The following KIF13B variants were observed in gnomAD, a reference collection of about 807,000 sequenced individuals.
KIF13B encodes kinesin family member 13B.
A neutral mutation model predicts 222.0 loss-of-function variants in KIF13B; 127 were observed. That is an observed-to-expected ratio of 0.57 (90% CI 0.50 to 0.66). The LOEUF (loss-of-function observed/expected upper bound fraction) is 0.66, where lower values mean the gene tolerates loss of function less well. KIF13B is among the 30% of genes least tolerant of loss of function. The pLI is 0.00. For synonymous variants in KIF13B, 976 were observed against 919.0 expected (o/e 1.06, Z -1.12); for missense variants, 2,173 against 2,379.0 (o/e 0.91, Z 1.80).
Position 29,245,480 on chromosome 8 carries a change from T to A in KIF13B, c.56-41A>T, listed in dbSNP as rs79327218. The A allele has an allele frequency of 7.8e-3, 11,279 of 1,439,418 alleles. 736 individuals are homozygous for A. The African/African-American group carries it at 0.14, about 18-fold the overall frequency. The allele number at this position is 1,439,418 out of a possible 1,614,324, so 89.2% of individuals were successfully genotyped here. A position where few individuals can be genotyped will look rare whatever the true frequency, so the allele number is the denominator to read the frequency against. ...CAAGAAAAACAGTCATTTTAAAAAG[T>A]AATTTATTTCAGAAAAGGCAAAATT... On this transcript the variant is annotated intron_variant, in intron 1 of 39. Coordinates refer to ENST00000524189, the MANE Select transcript of KIF13B (RefSeq NM_015254.4).
rs1563673729 is a variant in KIF13B at position 29,069,897 on chromosome 8, G to A, written c.*607C>T. ...AGGGATGGGGGGGCTCAGGCCCTCGGCCCCCGTCTGGGGCACCAGGACCAT... is the reference window on the plus strand; with the variant it reads ...AGGGATGGGGGGGCTCAGGCCCTCGACCCCCGTCTGGGGCACCAGGACCAT... On this transcript the variant is annotated 3_prime_UTR_variant, in exon 40 of 40. Transcript: ENST00000524189. The A allele has an allele frequency of 6.6e-6, 1 of 151,996 alleles. No homozygotes were observed. Among genetic ancestry groups the A allele is most frequent in the Non-Finnish European group, 1.5e-5 (1 of 68,094 alleles). The allele number at this position is 151,996 out of a possible 1,614,324, so 9.4% of individuals were successfully genotyped here. A position where few individuals can be genotyped will look rare whatever the true frequency, so the allele number is the denominator to read the frequency against.
intron 37 of KIF13B, among the ~76,000 whole-genome samples, chr8:29,087,184 GGGA>G (rs1384987938): frequency 2.0e-5 from 3 of 152,218 alleles, no homozygotes; most frequent in African/African-American, 7.2e-5. Context: ...GGTAGAAAGA[GGGA>G]GAAGTGTGGA....
intron 37 of KIF13B, among the ~76,000 whole-genome samples, chr8:29,081,562 C>A (rs765061068): frequency 4.2e-4 from 64 of 152,318 alleles, no homozygotes; most frequent in African/African-American, 9.6e-4. Context: ...AAAATACACA[C>A]CTGATTTCAA....
chr8:29,146,527 T>C lies in KIF13B; in HGVS notation c.2038A>G (p.Asn680Asp), dbSNP rs1811066918. The change falls in exon 18 of 40, where the codon AAT (asparagine) becomes GAT (aspartate). Residue 680 changes from asparagine to aspartate, a missense_variant. Physicochemically the swap from Asn to Asp is conservative, Grantham distance 23. This residue lies in a region of KIF13B where 1,480 missense variants were observed against 1,722.8 expected (regional missense o/e 0.86). Transcript: ENST00000524189. ...QWAEEREATLNNSLMRLREQI... is the reference protein window; with the variant it reads ...QWAEEREATLDNSLMRLREQI... The stretch of plus-strand genomic sequence containing the variant: ...TCCCTCAGCCTCATCAGGCTGTTAT[T>C]CAACGTTGCTTCTCTAAAAAAAAAT... 6.2e-7 allele frequency: 1 copy of C among 1,613,396 alleles called. No homozygotes were observed. The highest frequency in any genetic ancestry group is 8.5e-7 in the Non-Finnish European group (1 of 1,179,664).
At chr8:29,098,350 C>T (rs1808636337) in intron 36 of KIF13B, among the ~76,000 whole-genome samples, 1 of 151,822 alleles carries the variant, frequency 6.6e-6, no homozygotes, top group African/African-American at 2.4e-5. Context: ...CGCCTGTAAT[C>T]CCAGCACTTT....
chr8:29,244,078 A>G (rs1361760807), intron 2 of KIF13B, among the ~76,000 whole-genome samples: 1 of 151,342 alleles, frequency 6.6e-6, no homozygotes, highest in African/African-American at 2.4e-5. Context: ...CAGTGGTGTG[A>G]TCTCGGCTCA....
intron 13 of KIF13B, among the ~76,000 whole-genome samples, chr8:29,157,111 T>G (rs1007034836): frequency 1.3e-5 from 2 of 151,936 alleles, no homozygotes; most frequent in African/African-American, 4.8e-5. Context: ...CTATCAAGAA[T>G]AAGCTTGTGA....
chr8:29,146,906 C>T (rs1811084234), intron 17 of KIF13B, among the ~76,000 whole-genome samples: 2 of 152,154 alleles, frequency 1.3e-5, no homozygotes, highest in Non-Finnish European at 2.9e-5. Flanking sequence ...GCCTGCAGAC[C>T]AAACTTTAAA....
At chr8:29,159,862 T>G (rs1303532426) in intron 13 of KIF13B, among the ~76,000 whole-genome samples, 1 of 152,246 alleles carries the variant, frequency 6.6e-6, no homozygotes, top group Non-Finnish European at 1.5e-5. Flanking sequence ...CCAGGATCTC[T>G]CCAGGCTTTT....
intron 11 of KIF13B, 26 bp downstream of exon 11, chr8:29,167,338 TGGACTCACA>T (rs1812048254): frequency 2.6e-6 from 4 of 1,535,460 alleles, no homozygotes; most frequent in Non-Finnish European, 3.6e-6. Context: ...TTCCTCTTCC[TGGACTCACA>T]GGGCGCACGC....
intron 2 of KIF13B, among the ~76,000 whole-genome samples, chr8:29,219,868 G>C (rs946501252): frequency 6.6e-6 from 1 of 152,178 alleles, no homozygotes; most frequent in African/African-American, 2.4e-5. Context: ...TTCAAGACCA[G>C]CCTGGGGAAC....
chr8:29,132,255 A>C (rs1810376615), intron 23 of KIF13B, 53 bp downstream of exon 23: 3 of 1,089,752 alleles, frequency 2.8e-6, no homozygotes, highest in Non-Finnish European at 3.6e-6. Context: ...CTCAAAAAAC[A>C]AAAAAAAAAT....
In KIF13B at chr8:29,105,663, T is replaced by G. The variant is rs1395418786; in HGVS notation, c.4215+2476A>C. On this transcript the variant is annotated intron_variant, in intron 35 of 39. Transcript: ENST00000524189. ...AGAGTTTGTTTGGTTTTTTTTTTTT[T>G]TTTTTTTTTTTTTGAGACAGAGTCT... Among the ~76,000 whole-genome samples the G allele has an allele frequency of 3.1e-5, 4 of 130,230 alleles. No homozygotes were observed. In the East Asian group the frequency reaches 8.6e-4, roughly 28 times the overall value. The allele number at this position is 130,230 out of a possible 152,430, so 85.4% of individuals were successfully genotyped here.
chr8:29,076,062 G>C (rs1017574774), intron 37 of KIF13B, among the ~76,000 whole-genome samples: 1 of 152,236 alleles, frequency 6.6e-6, no homozygotes, highest in African/African-American at 2.4e-5. Context: ...ATGGGCCAGG[G>C]AACATTAAAG....
chr8:29,158,458 G>C (rs1054347898), intron 13 of KIF13B, among the ~76,000 whole-genome samples: 18 of 152,260 alleles, frequency 1.2e-4, no homozygotes, highest in Non-Finnish European at 2.1e-4. Context: ...ATAAATAAAG[G>C]GGGTGTTATA....
intron 2 of KIF13B, among the ~76,000 whole-genome samples, chr8:29,203,735 A>G (rs1813801873): frequency 6.6e-6 from 1 of 152,000 alleles, no homozygotes; most frequent in East Asian, 1.9e-4. Flanking sequence ...TACTAAAAAT[A>G]CAAAATAAAT....
chr8:29,151,845 A>AGCCGAGATTGCGCC (rs1198575161), intron 14 of KIF13B, among the ~76,000 whole-genome samples: 2 of 151,948 alleles, frequency 1.3e-5, no homozygotes, highest in Non-Finnish European at 2.9e-5. Context: ...TTTCACTTTC[A>AGCCGAGATTGCGCC]AGTCTTATCA....
At chr8:29,251,300 T>C (rs1330379763) in intron 1 of KIF13B, among the ~76,000 whole-genome samples, 3 of 152,324 alleles carry the variant, frequency 2.0e-5, no homozygotes, top group African/African-American at 7.2e-5. Flanking sequence ...AAAAAAAGCC[T>C]AGCTGCTATG....
chr8:29,133,796 T>C (rs1586822982), intron 22 of KIF13B, among the ~76,000 whole-genome samples: 2 of 152,350 alleles, frequency 1.3e-5, no homozygotes, highest in East Asian at 1.9e-4. Flanking sequence ...ATATAGGACA[T>C]AGATTTTCTT....
Sources: gnomAD v4.1 joint callset for allele counts (sites outside exome capture counted in the v4.1 genomes callset) on GRCh38, gnomAD v4.1.1 for gene constraint, gnomAD v4.1.1 regional missense constraint, MANE v1.5 for transcripts, NCBI Gene and HGNC (gene_info 2026-07-23, HGNC 2026-07-21) for gene names.